SLC25A46: variants seen among roughly 807,000 people sequenced by gnomAD.
SLC25A46 encodes the protein solute carrier family 25 member 46.
SLC25A46 carries 39 observed loss-of-function variants against 44.6 expected under a neutral mutation model. The ratio of observed to expected loss-of-function variants is 0.87; its 90% confidence interval spans 0.68 to 1.14. The LOEUF (loss-of-function observed/expected upper bound fraction) is 1.14, where lower values mean the gene tolerates loss of function less well. SLC25A46 is among the 50% of genes most tolerant of loss of function. The pLI is 0.00. For missense variants in SLC25A46, 547 were observed against 522.7 expected (o/e 1.05, Z -0.45); for synonymous variants, 202 against 185.8 (o/e 1.09, Z -0.71).
In SLC25A46 at chr5:110,762,443, T is replaced by A. The variant is rs1361042739; in HGVS notation, c.*661T>A. Reference sequence around the variant, plus strand: ...ATTTTCTACACTTACATCACCTTATTGCATAAAACAAAGTCACGCGCTTTC... The same window carrying A: ...ATTTTCTACACTTACATCACCTTATAGCATAAAACAAAGTCACGCGCTTTC... On this transcript the variant is annotated 3_prime_UTR_variant, in exon 8 of 8. Transcript: ENST00000355943. 6.6e-6 allele frequency: 1 copy of A among 151,854 alleles called. No individual in the cohort carries two copies. The highest frequency in any genetic ancestry group is 1.5e-5 in the Non-Finnish European group (1 of 67,924). 9.4% of individuals were successfully genotyped at this position (151,854 alleles called of 1,614,324 possible). A position where few individuals can be genotyped will look rare whatever the true frequency, so the allele number is the denominator to read the frequency against.
At chr5:110,750,642 A>T (rs1294786352) in intron 5 of SLC25A46, among the ~76,000 whole-genome samples, 1 of 152,154 alleles carries the variant, frequency 6.6e-6, no homozygotes, top group Non-Finnish European at 1.5e-5. Flanking sequence ...GTTATTCTAT[A>T]TTGTTTAGGG....
chr5:110,749,344 T>C (rs1374706848), intron 5 of SLC25A46, among the ~76,000 whole-genome samples: 1 of 147,434 alleles, frequency 6.8e-6, no homozygotes, highest in South Asian at 2.1e-4. Context: ...AAAAAAAAAA[T>C]AGAAAATTGA....
At chr5:110,746,664 T>A (rs1021092365) in intron 4 of SLC25A46, among the ~76,000 whole-genome samples, 1 of 152,172 alleles carries the variant, frequency 6.6e-6, no homozygotes, top group Non-Finnish European at 1.5e-5. Context: ...AAGTACAGAA[T>A]GCTGTCAGAA....
chr5:110,738,345 G>C, upstream of SLC25A46: 4 of 871,630 alleles, frequency 4.6e-6, no homozygotes, highest in Non-Finnish European at 5.9e-6. Flanking sequence ...GAGTGATTTA[G>C]ACACATCAGA....
rs1800265728 is a variant in SLC25A46 at position 110,761,963 on chromosome 5, A to C, written c.*181A>C. ...AGGCATAGGTATATATTTTGGATCA[A>C]AATCCTTCCAAATTTGAAAACTCAA... On this transcript the variant is annotated 3_prime_UTR_variant, in exon 8 of 8. Transcript: ENST00000355943. This position sits in a 1 kb window ranked among gnomAD's most constrained non-coding sequence, Gnocchi z 5.3. 1 of 531,602 alleles carries C rather than the reference A, an allele frequency of 1.9e-6. No homozygotes were observed. The highest frequency in any genetic ancestry group is 3.5e-5 in the Admixed American group (1 of 28,494). The allele number at this position is 531,602 out of a possible 1,614,324, so 32.9% of individuals were successfully genotyped here.
intron 5 of SLC25A46, chr5:110,754,810 C>G (rs1388729370): frequency 6.6e-6 from 1 of 152,192 alleles, no homozygotes; most frequent in African/African-American, 2.4e-5. Context: ...GAACAGAGTT[C>G]CACACTAACT....
chr5:110,757,954 A>C (rs1227621092), intron 7 of SLC25A46, among the ~76,000 whole-genome samples: 1 of 152,162 alleles, frequency 6.6e-6, no homozygotes, highest in Admixed American at 6.6e-5. Flanking sequence ...TAAATTGTGA[A>C]TAGTATTTTA....
Position 110,761,565 on chromosome 5 carries a change from G to A in SLC25A46, c.1040G>A (p.Arg347His). 2 of 1,613,692 alleles carry A rather than the reference G, an allele frequency of 1.2e-6. No homozygotes were observed. Among genetic ancestry groups the A allele is most frequent in the Non-Finnish European group, 8.5e-7 (1 of 1,179,782 alleles). ...VLHRLHIQGT[R>H]TIIDNTDLGY... ...CACCGCCTTCACATTCAAGGAACAC[G>A]CACAATAATTGACAATACAGACCTT... Residue 347 changes from arginine to histidine, a missense_variant, in exon 8 of 8, where the codon CGC becomes CAC. Physicochemically the swap from Arg to His is conservative, Grantham distance 29. Transcript: ENST00000355943. This position sits in a 1 kb window ranked among gnomAD's most constrained non-coding sequence, Gnocchi z 5.3.
At position 110,764,124 on chromosome 5, in the gene SLC25A46, T is replaced by C. The variant is rs1800328232; in HGVS notation, c.*2342T>C. The C allele has an allele frequency of 6.6e-6, 1 of 151,836 alleles. No individual in the cohort carries two copies. 9.4% of individuals were successfully genotyped at this position (151,836 alleles called of 1,614,324 possible). On this transcript the variant is annotated 3_prime_UTR_variant, in exon 8 of 8. Transcript: ENST00000355943. ...AGAACTAATAGCATTATGGAAAAGA[T>C]TCTATTAAATGTTCCACAGGCCCAC...
rs375117349 is a variant in SLC25A46 at position 110,755,530 on chromosome 5, C to T, written c.620+9C>T. ...CACCTTCTACTGAAATCGTAAGTAT[C>T]AAAAAATGGCATTTTTATTGGGCAT... On this transcript the variant is annotated intron_variant, in intron 6 of 7. Transcript: ENST00000355943. The T allele has an allele frequency of 1.9e-6, 3 of 1,548,480 alleles. No individual in the cohort carries two copies. In the African/African-American group the frequency reaches 4.2e-5, roughly 22 times the overall value.
intron 6 of SLC25A46, among the ~76,000 whole-genome samples, chr5:110,756,383 G>A (rs1309139640): frequency 1.3e-5 from 2 of 152,050 alleles, no homozygotes; most frequent in Non-Finnish European, 2.9e-5. Context: ...GCAAACTATG[G>A]AATGGATCCC....
chr5:110,756,293 ACT>A (rs547295828), intron 6 of SLC25A46, among the ~76,000 whole-genome samples: 141 of 151,954 alleles, frequency 9.3e-4, no homozygotes, highest in African/African-American at 3.3e-3. Context: ...GACTGGCCTA[ACT>A]CTGCTGGATG....
chr5:110,746,968 A>G (rs1020189279), intron 4 of SLC25A46, among the ~76,000 whole-genome samples: 4 of 152,280 alleles, frequency 2.6e-5, no homozygotes, highest in Non-Finnish European at 5.9e-5. Context: ...ATTCTAAAGC[A>G]CCTTCTAAGA....
chr5:110,756,853 T>C (rs1049871698), intron 7 of SLC25A46, 94 bp downstream of exon 7: 3 of 726,256 alleles, frequency 4.1e-6, no homozygotes, highest in Non-Finnish European at 6.2e-6. Flanking sequence ...AGCAGAAAAT[T>C]TTAAGACTAT....
Position 110,764,932 on chromosome 5 carries a change from C to T in SLC25A46, c.*3150C>T, listed in dbSNP as rs535904037. 18 of 151,844 alleles carry T rather than the reference C, an allele frequency of 1.2e-4. No homozygotes were observed. Among genetic ancestry groups the T allele is most frequent in the South Asian group, 4.1e-4 (2 of 4,830 alleles). 9.4% of individuals were successfully genotyped at this position (151,844 alleles called of 1,614,324 possible). A position where few individuals can be genotyped will look rare whatever the true frequency, so the allele number is the denominator to read the frequency against. ...AAATAATCTCTTTTTCTCATATAAA[C>T]GGAATGCATAATGTCTTACTCTTGA... On this transcript the variant is annotated 3_prime_UTR_variant, in exon 8 of 8. Transcript: ENST00000355943.
In SLC25A46 at chr5:110,739,022, CGCG is replaced by C. The variant is rs1270077597; in HGVS notation, c.-89_-87del. ...TCCGGTTGTCAGAATTTACCCCTGA[CGCG>C]GCGGCGGCCGACGGGAAGCTGTGTG... On this transcript the variant is annotated 5_prime_UTR_variant, in exon 1 of 8. Coordinates refer to ENST00000355943, the MANE Select transcript of SLC25A46 (RefSeq NM_138773.4). 6.7e-7 allele frequency: 1 copy of C among 1,486,136 alleles called. No individual in the cohort carries two copies. The highest frequency in any genetic ancestry group is 2.5e-5 in the East Asian group (1 of 40,100). 92.1% of individuals were successfully genotyped at this position (1,486,136 alleles called of 1,614,324 possible).
intron 5 of SLC25A46, among the ~76,000 whole-genome samples, chr5:110,748,961 C>A (rs1799887112): frequency 6.6e-6 from 1 of 151,692 alleles, no homozygotes; most frequent in Admixed American, 6.6e-5. Flanking sequence ...ATTCAAATGG[C>A]AGTATAAAAT....
At chr5:110,741,784 T>TCTA (rs1799696637) in intron 1 of SLC25A46, 1 of 312,472 alleles carries the variant, frequency 3.2e-6, no homozygotes, top group Admixed American at 4.8e-5. Context: ...GGGCCCACAC[T>TCTA]CTAATGTGGC....
In SLC25A46 at chr5:110,739,018, C is replaced by A; in HGVS notation, c.-102C>A. On this transcript the variant is annotated 5_prime_UTR_variant, in exon 1 of 8. The change creates a new upstream start codon in the 5' untranslated region. Coordinates refer to ENST00000355943, the MANE Select transcript of SLC25A46 (RefSeq NM_138773.4). The stretch of plus-strand genomic sequence containing the variant: ...GACTTCCGGTTGTCAGAATTTACCC[C>A]TGACGCGGCGGCGGCCGACGGGAAG... The A allele has an allele frequency of 1.3e-6, 2 of 1,484,840 alleles. No individual in the cohort carries two copies. The highest frequency in any genetic ancestry group is 1.8e-6 in the Non-Finnish European group (2 of 1,126,678). 92.0% of individuals were successfully genotyped at this position (1,484,840 alleles called of 1,614,324 possible).
Sources: gnomAD v4.1 joint callset for allele counts (sites outside exome capture counted in the v4.1 genomes callset) on GRCh38, gnomAD v4.1.1 for gene constraint, Gnocchi (gnomAD v3.1) non-coding constraint, MANE v1.5 for transcripts, NCBI Gene and HGNC (gene_info 2026-07-23, HGNC 2026-07-21) for gene names.